KIF16B: variants seen among roughly 807,000 people sequenced by gnomAD.
KIF16B encodes the protein kinesin-like protein KIF16B.
In KIF16B, 98 loss-of-function variants were observed where a neutral mutation model predicts 156.3. The ratio of observed to expected loss-of-function variants is 0.63; its 90% CI spans 0.53 to 0.74. The LOEUF (loss-of-function observed/expected upper bound fraction) is 0.74, where lower values mean the gene tolerates loss of function less well. Ranked by LOEUF, KIF16B falls within the 30% of genes least tolerant of loss-of-function variation. The pLI is 0.00. For missense variants in KIF16B, 1,421 were observed against 1,606.5 expected, an observed-to-expected ratio of 0.88 and a Z score of 1.97; for synonymous variants, 564 against 583.7, an observed-to-expected ratio of 0.97 and a Z score of 0.49.
At chr20:16,485,756 T>C (rs2068095653) in intron 12 of KIF16B, among the ~76,000 whole-genome samples, 1 of 152,210 alleles carries the variant, frequency 6.6e-6, no homozygotes, top group Non-Finnish European at 1.5e-5. Context: ...TATATCCTAA[T>C]GGATGTCAAT....
intron 12 of KIF16B, among the ~76,000 whole-genome samples, chr20:16,453,419 CTA>C (rs2067136848): frequency 6.6e-6 from 1 of 152,086 alleles, no homozygotes; most frequent in Admixed American, 6.5e-5. Flanking sequence ...TCTGAACATA[CTA>C]TATGTTTTAA....
intron 12 of KIF16B, among the ~76,000 whole-genome samples, chr20:16,445,900 A>C (rs1227727729): frequency 6.6e-6 from 1 of 152,006 alleles, no homozygotes; most frequent in African/African-American, 2.4e-5. Flanking sequence ...TTTCTACTTT[A>C]TTATGTTAGT....
chr20:16,304,434 CCAGTT>C (rs1302308912), intron 25 of KIF16B, among the ~76,000 whole-genome samples: 1 of 152,196 alleles, frequency 6.6e-6, no homozygotes, highest in African/African-American at 2.4e-5. Flanking sequence ...CCCCCACACT[CCAGTT>C]CAGTTTCCTT....
chr20:16,550,864 A>G (rs2070622927), intron 1 of KIF16B, among the ~76,000 whole-genome samples: 1 of 152,010 alleles, frequency 6.6e-6, no homozygotes, highest in Admixed American at 6.5e-5. Flanking sequence ...GTTTTAAAAT[A>G]GCATCCCAGG....
At position 16,457,835 on chromosome 20, in the gene KIF16B, C is replaced by T. The variant is rs540695784; in HGVS notation, c.1303-27853G>A. 1.4e-4 allele frequency among the ~76,000 whole-genome samples: 21 copies of T among 151,944 alleles called. No individual in the cohort carries two copies. In the East Asian group the frequency reaches 1.5e-3, roughly 11 times the overall value. ...GCACAGCTTCACAATTTAGCCACGCCGGCACACTGGTCCAAGATCACAGAA... is the reference window on the plus strand; with the variant it reads ...GCACAGCTTCACAATTTAGCCACGCTGGCACACTGGTCCAAGATCACAGAA... On this transcript the variant is annotated intron_variant, in intron 12 of 25. Transcript: ENST00000354981.
intron 1 of KIF16B, among the ~76,000 whole-genome samples, chr20:16,540,803 AT>A (rs1310565728): frequency 6.6e-6 from 1 of 152,186 alleles, no homozygotes. Context: ...AGGAAGCCCG[AT>A]TAAACTGAAT....
chr20:16,505,900 T>C lies in KIF16B; in HGVS notation c.869-47A>G, dbSNP rs370606043. 3 of 1,607,642 alleles carry C rather than the reference T, an allele frequency of 1.9e-6. No homozygotes were observed. The African/African-American group carries it at 4.0e-5, about 22-fold the overall frequency. ...GGGGAGAAAGGACAATTAGTAAAAT[T>C]TTTTTTCCTCTACTTTTGCTTCATA... On this transcript the variant is annotated intron_variant, in intron 8 of 25. Coordinates refer to ENST00000354981, the MANE Select transcript of KIF16B (RefSeq NM_024704.5).
intron 10 of KIF16B, among the ~76,000 whole-genome samples, chr20:16,498,141 A>G (rs2068507395): frequency 6.6e-6 from 1 of 152,206 alleles, no homozygotes; most frequent in African/African-American, 2.4e-5. Flanking sequence ...GCATGGCTAC[A>G]CGACAATCTC....
At chr20:16,339,259 T>C (rs2064098349) in intron 23 of KIF16B, among the ~76,000 whole-genome samples, 1 of 152,200 alleles carries the variant, frequency 6.6e-6, no homozygotes. Context: ...ACTCAGTCTA[T>C]GGGAAGGATC....
chr20:16,383,153 C>T (rs914822913), intron 17 of KIF16B, among the ~76,000 whole-genome samples: 1 of 152,034 alleles, frequency 6.6e-6, no homozygotes, highest in Non-Finnish European at 1.5e-5. Flanking sequence ...CTTTTTTAGG[C>T]AGAACTGAGT....
intron 4 of KIF16B, among the ~76,000 whole-genome samples, chr20:16,514,423 C>T (rs1260514450): frequency 1.3e-5 from 2 of 151,926 alleles, no homozygotes; most frequent in Non-Finnish European, 2.9e-5. Flanking sequence ...AAAGATCTGT[C>T]TTCTAACACA....
At chr20:16,289,352 G>C (rs768753315) in intron 25 of KIF16B, among the ~76,000 whole-genome samples, 12 of 152,126 alleles carry the variant, frequency 7.9e-5, no homozygotes, top group Non-Finnish European at 1.0e-4. Context: ...TCAGGGAATT[G>C]ATATGCAAAT....
In KIF16B at chr20:16,356,347, A is replaced by G; in HGVS notation, c.3604T>C (p.Phe1202Leu). The change falls in exon 23 of 26, where the codon TTC becomes CTC. Residue 1202 changes from phenylalanine to leucine, a missense_variant. By Grantham distance (22) the Phe-to-Leu change is conservative. Coordinates refer to ENST00000354981, the MANE Select transcript of KIF16B (RefSeq NM_024704.5). ...VLCGQGKDAH[F>L]EFEVKITVLD... ...ACACTCACCTTGACCTCAAACTCGA[A>G]GTGTGCATCCTTTCCTTGCCCGCAG... 1 of 1,614,172 alleles carries G rather than the reference A, an allele frequency of 6.2e-7. No homozygotes were observed. Among genetic ancestry groups the G allele is most frequent in the East Asian group, 2.2e-5 (1 of 44,872 alleles).
chr20:16,405,596 T>C (rs529146287), intron 16 of KIF16B, among the ~76,000 whole-genome samples: 1 of 152,264 alleles, frequency 6.6e-6, no homozygotes, highest in South Asian at 2.1e-4. Context: ...CAAACACTTC[T>C]GGTATTCAAG....
chr20:16,351,761 G>A (rs953665629), intron 23 of KIF16B, among the ~76,000 whole-genome samples: 2 of 152,196 alleles, frequency 1.3e-5, no homozygotes, highest in Non-Finnish European at 2.9e-5. Flanking sequence ...AGGGTAACAG[G>A]AATTGATACT....
intron 1 of KIF16B, among the ~76,000 whole-genome samples, chr20:16,557,123 TC>T (rs1240678332): frequency 6.8e-6 from 1 of 147,680 alleles, no homozygotes; most frequent in African/African-American, 2.5e-5. Context: ...TTAATATTAA[TC>T]ATTAATACTA....
At chr20:16,442,108 GT>G (rs1272903648) in intron 12 of KIF16B, among the ~76,000 whole-genome samples, 1 of 152,132 alleles carries the variant, frequency 6.6e-6, no homozygotes, top group East Asian at 1.9e-4. Context: ...AGCTGGAGTG[GT>G]TGTAGGAGAG....
chr20:16,365,663 G>C (rs536779397), intron 22 of KIF16B, among the ~76,000 whole-genome samples: 29 of 152,358 alleles, frequency 1.9e-4, no homozygotes, highest in African/African-American at 6.3e-4. Flanking sequence ...GGGAAAGAGG[G>C]AAGATGAGCA....
chr20:16,340,347 A>G, intron 23 of KIF16B, among the ~76,000 whole-genome samples: 1 of 151,864 alleles, frequency 6.6e-6, no homozygotes. Context: ...TCCCTAAATT[A>G]TTTTTCTCCT....
Sources: gnomAD v4.1 joint callset for allele counts (sites outside exome capture counted in the v4.1 genomes callset) on GRCh38, gnomAD v4.1.1 for gene constraint, MANE v1.5 for transcripts, NCBI Gene and HGNC (gene_info 2026-07-23, HGNC 2026-07-21) for gene names.